Variants in PTPRK observed in about 807,000 individuals in gnomAD.
The protein encoded by PTPRK is receptor-type tyrosine-protein phosphatase kappa.
Under a neutral mutation model 178.0 loss-of-function variants are expected in PTPRK, and 75 were observed. The ratio of observed to expected loss-of-function variants is 0.42; its 90% CI spans 0.35 to 0.51. The LOEUF (loss-of-function observed/expected upper bound fraction) is 0.51. PTPRK is among the 20% of genes least tolerant of loss of function. PTPRK has a pLI of 0.02. For synonymous variants in PTPRK, 637 were observed against 620.6 expected, an observed-to-expected ratio of 1.03 and a Z score of -0.39; for missense variants, 1,441 against 1,797.8, an observed-to-expected ratio of 0.80 and a Z score of 3.59.
intron 2 of PTPRK, among the ~76,000 whole-genome samples, chr6:128,346,687 C>T (rs748649377): frequency 2.6e-5 from 4 of 152,180 alleles, no homozygotes; most frequent in East Asian, 1.9e-4. Flanking sequence ...TTACTGGAAC[C>T]TTCCTTGTCA....
intron 7 of PTPRK, among the ~76,000 whole-genome samples, chr6:128,115,986 T>TA (rs1344792817): frequency 6.6e-6 from 1 of 152,112 alleles, no homozygotes; most frequent in Non-Finnish European, 1.5e-5. Context: ...GAATCCTCAC[T>TA]AAAGCCCTCC....
chr6:128,242,659 T>C (rs1019883570), intron 3 of PTPRK, 57 bp from the exon 4 acceptor site: 54 of 1,585,760 alleles, frequency 3.4e-5, no homozygotes, highest in Non-Finnish European at 3.8e-5. Flanking sequence ...ATTTCTACAG[T>C]GGAGGGGAAT....
intron 6 of PTPRK, among the ~76,000 whole-genome samples, chr6:128,198,636 C>T (rs1805354793): frequency 6.6e-6 from 1 of 152,144 alleles, no homozygotes; most frequent in Non-Finnish European, 1.5e-5. Context: ...AAAAATCATT[C>T]CACCTTTATC....
chr6:128,514,953 C>A (rs1857732736), intron 1 of PTPRK, among the ~76,000 whole-genome samples: 1 of 152,240 alleles, frequency 6.6e-6, no homozygotes, highest in Non-Finnish European at 1.5e-5. Context: ...CTTCCCACAA[C>A]AGAATCTTCA....
chr6:128,049,318 A>T (rs2114866561), intron 13 of PTPRK, among the ~76,000 whole-genome samples: 1 of 152,282 alleles, frequency 6.6e-6, no homozygotes, highest in Middle Eastern at 3.4e-3. Flanking sequence ...TCAAAATATA[A>T]ACTACTTACA....
At chr6:128,091,514 C>T (rs1786944714) in intron 7 of PTPRK, among the ~76,000 whole-genome samples, 1 of 152,086 alleles carries the variant, frequency 6.6e-6, no homozygotes. Context: ...GATTTTGCTG[C>T]CTCCTAGGTA....
rs191732814 is a variant in PTPRK at position 128,194,370 on chromosome 6, G to A, written c.869-9645C>T. ...CAAAGTGCTGGGATTACAGGCGTGA[G>A]CCACCGCGCCCGGCCAATTATAGCA... On this transcript the variant is annotated intron_variant, in intron 6 of 29. Transcript: ENST00000368226. 5.1e-3 allele frequency among the ~76,000 whole-genome samples: 770 copies of A among 152,216 alleles called. 2 individuals carry two copies. The highest frequency in any genetic ancestry group is 0.018 in the African/African-American group (729 of 41,522).
intron 11 of PTPRK, among the ~76,000 whole-genome samples, chr6:128,077,441 C>T (rs1784039819): frequency 6.6e-6 from 1 of 151,896 alleles, no homozygotes; most frequent in Non-Finnish European, 1.5e-5. Context: ...CAAGAGTTCC[C>T]TTTATGATTT....
intron 2 of PTPRK, among the ~76,000 whole-genome samples, chr6:128,329,280 G>T (rs1829964819): frequency 1.3e-5 from 2 of 152,058 alleles, no homozygotes; most frequent in Admixed American, 1.3e-4. Context: ...TCACCAGAGT[G>T]TTGGATGTCT....
chr6:128,310,802 C>G (rs1403144918), intron 3 of PTPRK, among the ~76,000 whole-genome samples: 1 of 152,162 alleles, frequency 6.6e-6, no homozygotes, highest in Non-Finnish European at 1.5e-5. Flanking sequence ...TCCAGGAGAT[C>G]TTGGGGAGTA....
intron 1 of PTPRK, among the ~76,000 whole-genome samples, chr6:128,474,999 T>C (rs1357186154): frequency 6.6e-6 from 1 of 152,120 alleles, no homozygotes; most frequent in African/African-American, 2.4e-5. Flanking sequence ...TAGGATGATA[T>C]AAAATGGGCC....
intron 3 of PTPRK, among the ~76,000 whole-genome samples, chr6:128,289,032 C>T (rs1359703406): frequency 2.0e-5 from 3 of 152,088 alleles, no homozygotes; most frequent in Non-Finnish European, 2.9e-5. Context: ...ATGGCTACAG[C>T]GTGCACCAGT....
At chr6:128,380,559 T>TAC (rs1252619885) in intron 2 of PTPRK, among the ~76,000 whole-genome samples, 343 of 151,440 alleles carry the variant, frequency 2.3e-3, no homozygotes, top group Admixed American at 3.9e-3. Flanking sequence ...CACACGTGTG[T>TAC]GTGTGTGTGT....
chr6:128,459,546 G>A (rs1848776032), intron 1 of PTPRK, among the ~76,000 whole-genome samples: 1 of 152,256 alleles, frequency 6.6e-6, no homozygotes, highest in East Asian at 1.9e-4. Flanking sequence ...TTGAACCAGT[G>A]AAACAGCACA....
chr6:127,974,711 C>T (rs1583466177), intron 27 of PTPRK, among the ~76,000 whole-genome samples: 1 of 152,186 alleles, frequency 6.6e-6, no homozygotes, highest in East Asian at 1.9e-4. Context: ...ATATTCTTTA[C>T]TCTTTCACTG....
chr6:128,087,161 A>T (rs758644850), intron 8 of PTPRK, among the ~76,000 whole-genome samples: 1 of 152,130 alleles, frequency 6.6e-6, no homozygotes, highest in Non-Finnish European at 1.5e-5. Context: ...TATGAAAAAG[A>T]TTATATAAGC....
At chr6:128,202,182 C>T (rs112682860) in intron 6 of PTPRK, among the ~76,000 whole-genome samples, 1,697 of 152,222 alleles carry the variant, frequency 0.011, 22 homozygotes, top group Middle Eastern at 0.02. Context: ...CAGCTCAACC[C>T]ACGGAAAATG....
chr6:128,367,814 T>A (rs956919920), intron 2 of PTPRK, among the ~76,000 whole-genome samples: 1 of 152,150 alleles, frequency 6.6e-6, no homozygotes, highest in Non-Finnish European at 1.5e-5. Flanking sequence ...ATAATAGCAA[T>A]ACTGAAATGG....
At chr6:128,463,910 C>T (rs1214161693) in intron 1 of PTPRK, among the ~76,000 whole-genome samples, 1 of 151,736 alleles carries the variant, frequency 6.6e-6, no homozygotes, top group African/African-American at 2.4e-5. Flanking sequence ...TGCCACCACA[C>T]CCGGGTAATT....
Sources: gnomAD v4.1 joint callset for allele counts (sites outside exome capture counted in the v4.1 genomes callset) on GRCh38, gnomAD v4.1.1 for gene constraint, MANE v1.5 for transcripts, NCBI Gene and HGNC (gene_info 2026-07-23, HGNC 2026-07-21) for gene names.